CMIP: variants seen among roughly 807,000 people sequenced by gnomAD.
CMIP encodes C-Maf-inducing protein.
A neutral mutation model predicts 97.3 loss-of-function variants in CMIP; 13 were observed. The ratio of observed to expected loss-of-function variants is 0.13; its 90% CI spans 0.09 to 0.21. CMIP has a LOEUF of 0.21. Among genes scored for constraint, CMIP ranks in the 10% least tolerant of loss-of-function variants. The pLI is 1.00. For missense variants in CMIP, 847 were observed against 1,024.9 expected, an observed-to-expected ratio of 0.83 and a Z score of 2.37; for synonymous variants, 538 against 436.3, an observed-to-expected ratio of 1.23 and a Z score of -2.91.
At chr16:81,557,987 G>A (rs764692729) in intron 1 of CMIP, among the ~76,000 whole-genome samples, 1 of 152,074 alleles carries the variant, frequency 6.6e-6, no homozygotes, top group Non-Finnish European at 1.5e-5. Context: ...ACCATTCTAT[G>A]CTCTGTCTCT....
chr16:81,672,326 A>G (rs966909662), intron 9 of CMIP, among the ~76,000 whole-genome samples: 5 of 152,352 alleles, frequency 3.3e-5, no homozygotes, highest in African/African-American at 1.2e-4. Flanking sequence ...CTTTAGGGAC[A>G]GATGTTTTAT....
chr16:81,459,067 C>CATCACT (rs1491336796), intron 1 of CMIP, among the ~76,000 whole-genome samples: 1 of 113,322 alleles, frequency 8.8e-6, no homozygotes, highest in Admixed American at 8.0e-5. Context: ...TCACTGTCAC[C>CATCACT]GTCACCGTCA....
intron 13 of CMIP, among the ~76,000 whole-genome samples, chr16:81,694,107 T>G (rs891076294): frequency 2.0e-5 from 3 of 152,062 alleles, no homozygotes; most frequent in Non-Finnish European, 4.4e-5. Context: ...ACACATTCCT[T>G]TTCTCATGCC....
Position 81,709,799 on chromosome 16 carries a change from A to C in CMIP, c.2322A>C (p.Ter774CysextTer18), listed in dbSNP as rs773201749. The change falls in exon 21 of 21, where the codon TGA (stop) becomes TGC (cysteine). Residue 774 changes from the stop codon to cysteine (C), a stop_lost. Coordinates refer to ENST00000537098, the MANE Select transcript of CMIP (RefSeq NM_198390.3). ...EVDVRYTEAW* is the reference protein window; with the variant it reads ...EVDVRYTEAWC ...ACGTCCGCTACACCGAAGCCTGGTG[A>C]AGCTCCCAGCTCAAGGCAGGAAGAC... 1.1e-5 allele frequency: 17 copies of C among 1,613,906 alleles called. No homozygotes were observed. Among genetic ancestry groups the C allele is most frequent in the Non-Finnish European group, 1.4e-5 (17 of 1,179,848 alleles).
chr16:81,517,861 A>G, intron 1 of CMIP: 4 of 836,678 alleles, frequency 4.8e-6, no homozygotes, highest in Non-Finnish European at 5.8e-6. Flanking sequence ...AGATGCAGCC[A>G]GGGCGCAGAG....
At chr16:81,619,552 C>G (rs2091965717) in intron 2 of CMIP, 1 of 152,268 alleles carries the variant, frequency 6.6e-6, no homozygotes, top group South Asian at 2.1e-4. Context: ...TCGTCAGACC[C>G]CCTGAACCGT....
chr16:81,646,307 T>G (rs80069872), intron 3 of CMIP, among the ~76,000 whole-genome samples: 3,526 of 151,510 alleles, frequency 0.023, 141 homozygotes, highest in African/African-American at 0.082. Flanking sequence ...TGGATGGATG[T>G]GTGGGTGAAT....
chr16:81,495,325 T>G (rs1372908285), intron 1 of CMIP: 2 of 1,461,162 alleles, frequency 1.4e-6, no homozygotes, highest in African/African-American at 2.8e-5. Context: ...GGTTCAGTGA[T>G]AAGCAGGAGC....
Position 81,710,180 on chromosome 16 carries a change from C to G in CMIP, c.*381C>G. 1 of 270,394 alleles carries G rather than the reference C, an allele frequency of 3.7e-6. No homozygotes were observed. Among genetic ancestry groups the G allele is most frequent in the Non-Finnish European group, 7.2e-6 (1 of 138,752 alleles). 16.7% of individuals were successfully genotyped at this position (270,394 alleles called of 1,614,324 possible). A position where few individuals can be genotyped will look rare whatever the true frequency, so the allele number is the denominator to read the frequency against. On this transcript the variant is annotated 3_prime_UTR_variant, in exon 21 of 21. Transcript: ENST00000537098. ...TCAACTCCGATGCCACCATTGCGGG[C>G]CGGACGAAGGATGCTTTCTTCCTAG...
Position 81,476,669 on chromosome 16 carries a change from A to G in CMIP, c.300+31128A>G, listed in dbSNP as rs1299874379. The G allele has an allele frequency of 1.6e-5, 6 of 369,108 alleles. No homozygotes were observed. The East Asian group carries it at 3.2e-4, about 19-fold the overall frequency. 22.9% of individuals were successfully genotyped at this position (369,108 alleles called of 1,614,324 possible). On this transcript the variant is annotated intron_variant, in intron 1 of 20. Transcript: ENST00000537098. ...TGCTTACTTTCTGTATATGAGATCCATTGTATGAAGAAGCCGTGGCATATT... is the reference window on the plus strand; with the variant it reads ...TGCTTACTTTCTGTATATGAGATCCGTTGTATGAAGAAGCCGTGGCATATT...
At chr16:81,584,534 G>A (rs185876706) in intron 1 of CMIP, among the ~76,000 whole-genome samples, 2 of 152,224 alleles carry the variant, frequency 1.3e-5, no homozygotes, top group South Asian at 2.1e-4. Context: ...TTTTTACCTC[G>A]AGTGGTCAGA....
chr16:81,583,836 CAA>C (rs2091337309), intron 1 of CMIP, among the ~76,000 whole-genome samples: 1 of 152,132 alleles, frequency 6.6e-6, no homozygotes, highest in South Asian at 2.1e-4. Flanking sequence ...CAGGGATATT[CAA>C]AGTCACTGAG....
chr16:81,502,967 T>C (rs2089640059), intron 1 of CMIP, among the ~76,000 whole-genome samples: 1 of 152,170 alleles, frequency 6.6e-6, no homozygotes, highest in African/African-American at 2.4e-5. Flanking sequence ...TCTCTGTCCT[T>C]AGATATGTTT....
intron 1 of CMIP, among the ~76,000 whole-genome samples, chr16:81,525,238 G>A (rs956681671): frequency 3.3e-5 from 5 of 152,232 alleles, no homozygotes; most frequent in African/African-American, 1.2e-4. Context: ...CCATCTCCCA[G>A]GTTGAAGCGA....
Position 81,639,203 on chromosome 16 carries a change from C to T in CMIP, c.478-13000C>T, listed in dbSNP as rs1234542817. On this transcript the variant is annotated intron_variant, in intron 3 of 20. Transcript: ENST00000537098. The stretch of plus-strand genomic sequence containing the variant: ...GTCTTCAAGTCTGTAGAATGGGGGT[C>T]GCACCTGTTAACCCCGGCTGCACCA... Among the ~76,000 whole-genome samples, 4 of 152,176 alleles carry T rather than the reference C, an allele frequency of 2.6e-5. No individual in the cohort carries two copies. In the East Asian group the frequency reaches 5.8e-4, roughly 22 times the overall value.
intron 3 of CMIP, among the ~76,000 whole-genome samples, chr16:81,633,068 A>G (rs192926291): frequency 1.1e-4 from 17 of 152,394 alleles, no homozygotes; most frequent in Non-Finnish European, 2.1e-4. Flanking sequence ...GAGCCATACA[A>G]GGAAGTTTTT....
intron 2 of CMIP, among the ~76,000 whole-genome samples, chr16:81,615,419 TGC>T (rs1430680919): frequency 7.0e-6 from 1 of 142,896 alleles, no homozygotes; most frequent in Non-Finnish European, 1.5e-5. Context: ...TGTGTGTGTG[TGC>T]GTGGTGTGTG....
At chr16:81,651,014 G>A (rs879603872) in intron 3 of CMIP, among the ~76,000 whole-genome samples, 1 of 152,144 alleles carries the variant, frequency 6.6e-6, no homozygotes, top group Admixed American at 6.5e-5. Flanking sequence ...GAAACTCAGC[G>A]GTCAGGGAGG....
chr16:81,702,374 C>T (rs1027096942), intron 16 of CMIP, among the ~76,000 whole-genome samples: 2 of 152,130 alleles, frequency 1.3e-5, no homozygotes, highest in Non-Finnish European at 2.9e-5. Context: ...TGATAACACC[C>T]CTTCCATTAT....
Sources: allele counts gnomAD v4.1 joint callset (sites outside exome capture counted in the v4.1 genomes callset), GRCh38; gene constraint gnomAD v4.1.1; transcripts MANE v1.5; gene names NCBI Gene and HGNC (gene_info 2026-07-23, HGNC 2026-07-21).